POLR3A: variants seen among roughly 807,000 people sequenced by gnomAD.
POLR3A encodes the protein DNA-directed RNA polymerase III subunit RPC1.
In POLR3A, 112 loss-of-function variants were observed where a neutral mutation model predicts 152.8. That is an observed-to-expected ratio of 0.73 (90% confidence interval 0.63 to 0.86). The LOEUF (loss-of-function observed/expected upper bound fraction) is 0.86, where lower values mean the gene tolerates loss of function less well. Ranked by LOEUF, POLR3A falls within the 40% of genes least tolerant of loss-of-function variation. The pLI is 0.00. For missense variants in POLR3A, 1,385 were observed against 1,743.1 expected, an observed-to-expected ratio of 0.79 and a Z score of 3.66; for synonymous variants, 615 against 652.1, an observed-to-expected ratio of 0.94 and a Z score of 0.87.
intron 5 of POLR3A, among the ~76,000 whole-genome samples, chr10:78,024,324 C>T (rs1265548284): frequency 6.7e-6 from 1 of 149,244 alleles, no homozygotes; most frequent in Non-Finnish European, 1.5e-5. Flanking sequence ...AGATTTGCAC[C>T]ACTCACTCCA....
chr10:78,019,496 A>T, intron 8 of POLR3A: 1 of 571,962 alleles, frequency 1.7e-6, no homozygotes. Context: ...GACATGGCCA[A>T]TTCCTTTCCT....
In POLR3A at chr10:77,977,739, T is replaced by TCCA. The variant is rs1847103654; in HGVS notation, c.4025-116_4025-114dup. On this transcript the variant is annotated intron_variant, in intron 30 of 30. Coordinates refer to ENST00000372371, the MANE Select transcript of POLR3A (RefSeq NM_007055.4). ...ATTAGGATGTGAGTCCCAGCGCCAC[T>TCCA]CCACATCAACTGAACTTTGGCAAAT... 3.4e-6 allele frequency: 3 copies of TCCA among 877,050 alleles called. No individual in the cohort carries two copies. In the Admixed American group the frequency reaches 5.6e-5, roughly 16 times the overall value. 54.3% of individuals were successfully genotyped at this position (877,050 alleles called of 1,614,324 possible).
intron 14 of POLR3A, among the ~76,000 whole-genome samples, chr10:78,008,113 C>T (rs1016761636): frequency 6.6e-6 from 1 of 152,118 alleles, no homozygotes; most frequent in Non-Finnish European, 1.5e-5. Flanking sequence ...AGTTGACCCT[C>T]ACTCTCCTCA....
intron 15 of POLR3A, 21 bp downstream of exon 15, chr10:78,007,681 G>C: frequency 6.2e-7 from 1 of 1,609,156 alleles, no homozygotes; most frequent in Non-Finnish European, 8.5e-7. Context: ...TTAACTAAAA[G>C]AAGGATGCTG....
At position 78,025,063 on chromosome 10, in the gene POLR3A, C is replaced by A. The variant is rs937510900; in HGVS notation, c.398G>T (p.Gly133Val). 8 of 1,614,076 alleles carry A rather than the reference C, an allele frequency of 5.0e-6. No homozygotes were observed. Among genetic ancestry groups the A allele is most frequent in the African/African-American group, 2.7e-5 (2 of 74,936 alleles). ...KQFLDYLKRP[G>V]LTYLQKRGLK... ...TCCTCGCTTCTGAAGGTAGGTCAGG[C>A]CGGGCCTCTTTAGATAGTCCAGAAA... Residue 133 changes from glycine (G) to valine (V), a missense_variant, in exon 4 of 31, where the codon GGC (glycine) becomes GTC (valine). This residue lies in a region of POLR3A where 493 missense variants were observed against 647.5 expected (regional missense o/e 0.76). Transcript: ENST00000372371.
At chr10:77,986,280 A>G (rs558780562) in intron 21 of POLR3A, 121 bp from the exon 22 acceptor site, 6 of 741,492 alleles carry the variant, frequency 8.1e-6, no homozygotes, top group Admixed American at 7.5e-5. Context: ...AGCTCCATAT[A>G]TAGTATAAAG....
rs769791060 is a variant in POLR3A at position 78,021,680 on chromosome 10, G to A, written c.1051C>T (p.Arg351Ter). ...TTTCCTGAGAGATTTCCTCTAAATC[G>A]ACCTAAATAGCCAAAAACATGTCAT... ...FVQRLKGKQG[R>*]FRGNLSGKRV... The change falls in exon 8 of 31, where the codon CGA becomes TGA. Residue 351 changes from arginine to a stop codon, truncating the protein, a stop_gained and splice_region_variant. Transcript: ENST00000372371. LOFTEE classifies it high-confidence loss of function. 9 of 1,613,894 alleles carry A rather than the reference G, an allele frequency of 5.6e-6. No individual in the cohort carries two copies. The highest frequency in any genetic ancestry group is 7.6e-6 in the Non-Finnish European group (9 of 1,179,990).
chr10:77,978,843 T>C (rs1053701013), intron 30 of POLR3A, among the ~76,000 whole-genome samples: 3 of 151,486 alleles, frequency 2.0e-5, no homozygotes, highest in Non-Finnish European at 4.4e-5. Context: ...ATATTTTTTT[T>C]AGTAGAGACG....
At chr10:78,020,590 G>A (rs1026446739) in intron 8 of POLR3A, among the ~76,000 whole-genome samples, 1 of 151,506 alleles carries the variant, frequency 6.6e-6, no homozygotes, top group Admixed American at 6.6e-5. Flanking sequence ...AGATCGAGAC[G>A]ATCCTGGCCA....
In POLR3A at chr10:77,975,631, A is replaced by G. The variant is rs550631807; in HGVS notation, c.*1847T>C. The G allele has an allele frequency of 2.6e-5, 4 of 152,428 alleles. No individual in the cohort carries two copies. The highest frequency in any genetic ancestry group is 9.6e-5 in the African/African-American group (4 of 41,596). The allele number at this position is 152,428 out of a possible 1,614,324, so 9.4% of individuals were successfully genotyped here. On this transcript the variant is annotated 3_prime_UTR_variant, in exon 31 of 31. Transcript: ENST00000372371. Reference sequence around the variant, plus strand: ...CAAGGTGAGGCTCCTTGGCGGTGCCATCTTTATTATTCCCAGCCACAAGTT... The same window carrying G: ...CAAGGTGAGGCTCCTTGGCGGTGCCGTCTTTATTATTCCCAGCCACAAGTT...
In POLR3A at chr10:77,980,280, C is replaced by CA; in HGVS notation, c.3892-8dup. ...TGATGCCCAGGACTTCACCCTGCGT[C>CA]AAGGGAGAAAGAGTCACGGTGGTAC... On this transcript the variant is annotated splice_region_variant and splice_polypyrimidine_tract_variant and intron_variant, in intron 29 of 30. Coordinates refer to ENST00000372371, the MANE Select transcript of POLR3A (RefSeq NM_007055.4). 6.2e-7 allele frequency: 1 copy of CA among 1,613,972 alleles called. No individual in the cohort carries two copies. The highest frequency in any genetic ancestry group is 2.2e-5 in the East Asian group (1 of 44,850).
chr10:78,009,683 G>A lies in POLR3A; in HGVS notation c.1771-8C>T, dbSNP rs778953563. ...CGTCCACAGGGTGACAGGCTGAGGG[G>A]GGGAGGAAGCCTGAGAGTCAGTGGG... On this transcript the variant is annotated splice_polypyrimidine_tract_variant and splice_region_variant and intron_variant, in intron 13 of 30. Coordinates refer to ENST00000372371, the MANE Select transcript of POLR3A (RefSeq NM_007055.4). 33 of 1,614,130 alleles carry A rather than the reference G, an allele frequency of 2.0e-5. No homozygotes were observed. The highest frequency in any genetic ancestry group is 2.8e-5 in the Non-Finnish European group (33 of 1,180,032).
At chr10:78,019,545 A>G in intron 8 of POLR3A, 1 of 484,862 alleles carries the variant, frequency 2.1e-6, no homozygotes, top group Non-Finnish European at 3.8e-6. Context: ...GGTAGGCTAG[A>G]CTGATCTATA....
intron 11 of POLR3A, among the ~76,000 whole-genome samples, chr10:78,011,539 C>A (rs536589494): frequency 6.6e-6 from 1 of 152,254 alleles, no homozygotes; most frequent in East Asian, 1.9e-4. Context: ...TACTTCTGAG[C>A]CACTATCCAA....
chr10:78,028,631 G>A (rs1589320730), intron 1 of POLR3A, among the ~76,000 whole-genome samples: 2 of 151,974 alleles, frequency 1.3e-5, no homozygotes, highest in African/African-American at 4.8e-5. Context: ...AGCCTCCCGA[G>A]TAGCTGGGAC....
chr10:77,984,890 C>T lies in POLR3A; in HGVS notation c.3242+280G>A, dbSNP rs139504753. Among the ~76,000 whole-genome samples the T allele has an allele frequency of 5.9e-4, 90 of 152,342 alleles. No homozygotes were observed. In the East Asian group the frequency reaches 0.017, roughly 29 times the overall value. On this transcript the variant is annotated intron_variant, in intron 24 of 30. Transcript: ENST00000372371. ...CAAAAGGATGAAATCTCCACTGACA[C>T]ATTGCTCCAATTTTTCCAGTCATTT...
rs1358476599 is a variant in POLR3A, at chr10:78,025,698, C to A, written c.242G>T (p.Gly81Val). The change falls in exon 3 of 31, where the codon GGC (glycine) becomes GTC (valine). Residue 81 changes from glycine (G) to valine (V), a missense_variant. Physicochemically the swap from Gly to Val is moderately radical, Grantham distance 109. Around this residue, in one of 7 missense-constraint regions of POLR3A, gnomAD observed 493 missense variants for 647.5 expected, o/e 0.76. Coordinates refer to ENST00000372371, the MANE Select transcript of POLR3A (RefSeq NM_007055.4). ...CTCCAGGTCGATATACCCATAGTGG[C>A]CTAGACAGTCAGCCAAGTTTTTCCC... Reference protein sequence around the residue: ...TCGKNLADCLGHYGYIDLELP... With the variant: ...TCGKNLADCLVHYGYIDLELP... 1 of 1,613,990 alleles carries A rather than the reference C, an allele frequency of 6.2e-7. No homozygotes were observed. Among genetic ancestry groups the A allele is most frequent in the Non-Finnish European group, 8.5e-7 (1 of 1,179,896 alleles).
At chr10:78,014,652 C>T (rs955119285) in intron 10 of POLR3A, among the ~76,000 whole-genome samples, 1 of 152,134 alleles carries the variant, frequency 6.6e-6, no homozygotes, top group Non-Finnish European at 1.5e-5. Flanking sequence ...ATCCGCCCAC[C>T]TTGGCCTCCC....
At chr10:77,993,165 A>G in intron 20 of POLR3A, 32 bp downstream of exon 20, 1 of 1,567,132 alleles carries the variant, frequency 6.4e-7, no homozygotes, top group Non-Finnish European at 8.8e-7. Flanking sequence ...CCTTAAAAAC[A>G]CTCTAACCCC....
Sources: gnomAD v4.1 joint callset for allele counts (sites outside exome capture counted in the v4.1 genomes callset) on GRCh38, gnomAD v4.1.1 for gene constraint, gnomAD v4.1.1 regional missense constraint, MANE v1.5 for transcripts, NCBI Gene and HGNC (gene_info 2026-07-23, HGNC 2026-07-21) for gene names.